Variants in NBEA observed in about 807,000 individuals in gnomAD.
NBEA encodes the protein neurobeachin.
In NBEA, 44 loss-of-function variants were observed where a neutral mutation model predicts 343.4. The ratio of observed to expected loss-of-function variants is 0.13; its 90% CI spans 0.10 to 0.16. NBEA has a LOEUF of 0.16. NBEA is among the 10% of genes least tolerant of loss of function. The probability of loss-of-function intolerance (pLI) is 1.00; values close to 1 mark genes in which losing one functional copy is unlikely to be tolerated. For synonymous variants in NBEA, 1,175 were observed against 1,238.7 expected, an observed-to-expected ratio of 0.95 and a Z score of 1.08; for missense variants, 2,555 against 3,631.3, an observed-to-expected ratio of 0.70 and a Z score of 7.62.
At chr13:35,376,242 G>A (rs769885523) in intron 38 of NBEA, among the ~76,000 whole-genome samples, 32 of 151,960 alleles carry the variant, frequency 2.1e-4, no homozygotes, top group Non-Finnish European at 4.3e-4. Flanking sequence ...GTTGCTGTCT[G>A]GTATTTGTTC....
intron 1 of NBEA, among the ~76,000 whole-genome samples, chr13:35,022,860 TA>T (rs1390221975): frequency 6.6e-6 from 1 of 152,172 alleles, no homozygotes; most frequent in Non-Finnish European, 1.5e-5. Flanking sequence ...CAGCATGTGA[TA>T]AATGTTCACA....
chr13:35,447,579 G>A (rs2046113729), intron 39 of NBEA, among the ~76,000 whole-genome samples: 1 of 151,956 alleles, frequency 6.6e-6, no homozygotes, highest in African/African-American at 2.4e-5. Flanking sequence ...CATAAGTGCG[G>A]TTTTGGATTT....
rs530979188 is a variant in NBEA at position 35,516,291 on chromosome 13, A to G, written c.6586-34186A>G. ...GTCAGTCAGAATTGAGACCCATGCAAGGCTGATAGCCAGATAATAATCAAG... is the reference window on the plus strand; with the variant it reads ...GTCAGTCAGAATTGAGACCCATGCAGGGCTGATAGCCAGATAATAATCAAG... On this transcript the variant is annotated intron_variant, in intron 41 of 58. Transcript: ENST00000379939. 2.6e-5 allele frequency among the ~76,000 whole-genome samples: 4 copies of G among 152,320 alleles called. No individual in the cohort carries two copies. In the South Asian group the frequency reaches 8.3e-4, roughly 32 times the overall value.
At chr13:35,424,077 A>G (rs2044482273) in intron 38 of NBEA, among the ~76,000 whole-genome samples, 1 of 152,186 alleles carries the variant, frequency 6.6e-6, no homozygotes, top group Non-Finnish European at 1.5e-5. Flanking sequence ...TTCTAGATAT[A>G]CAATCATGTC....
chr13:34,983,333 T>G (rs1281469750), intron 1 of NBEA, among the ~76,000 whole-genome samples: 2 of 152,158 alleles, frequency 1.3e-5, no homozygotes, highest in Non-Finnish European at 2.9e-5. Flanking sequence ...TGCATCCATG[T>G]CCCTGCAAAG....
intron 8 of NBEA, among the ~76,000 whole-genome samples, chr13:35,065,633 C>A (rs2063623628): frequency 6.6e-6 from 1 of 151,938 alleles, no homozygotes; most frequent in Non-Finnish European, 1.5e-5. Context: ...TAAATCACTC[C>A]TCATATTTCA....
At chr13:35,425,469 C>CT (rs1594590879) in intron 38 of NBEA, among the ~76,000 whole-genome samples, 1 of 152,154 alleles carries the variant, frequency 6.6e-6, no homozygotes, top group Non-Finnish European at 1.5e-5. Context: ...GAGTGAGTTT[C>CT]TTAATCCTGA....
At chr13:35,245,989 T>A (rs1282607195) in intron 34 of NBEA, among the ~76,000 whole-genome samples, 1 of 152,174 alleles carries the variant, frequency 6.6e-6, no homozygotes, top group East Asian at 1.9e-4. Context: ...TTTTAAATTC[T>A]TTTTTCTTTG....
intron 17 of NBEA, among the ~76,000 whole-genome samples, chr13:35,131,479 C>T (rs894178605): frequency 6.6e-6 from 1 of 152,076 alleles, no homozygotes; most frequent in African/African-American, 2.4e-5. Context: ...AAAAAATTTT[C>T]ATAAAATTCA....
chr13:35,259,192 C>T (rs1372928231), intron 34 of NBEA, among the ~76,000 whole-genome samples: 1 of 152,034 alleles, frequency 6.6e-6, no homozygotes, highest in African/African-American at 2.4e-5. Context: ...GTTCTTGAAA[C>T]CTTTGTTTTG....
intron 31 of NBEA, among the ~76,000 whole-genome samples, chr13:35,205,243 G>A (rs1445265392): frequency 6.6e-6 from 1 of 152,100 alleles, no homozygotes; most frequent in Non-Finnish European, 1.5e-5. Context: ...TCATAATGTA[G>A]GTGCAGAAAA....
intron 18 of NBEA, among the ~76,000 whole-genome samples, chr13:35,145,674 G>A (rs931031083): frequency 6.6e-6 from 1 of 152,208 alleles, no homozygotes. Context: ...CAAACAAATA[G>A]TGACAGTCAA....
At chr13:35,094,660 T>C (rs1286948535) in intron 10 of NBEA, among the ~76,000 whole-genome samples, 1 of 152,004 alleles carries the variant, frequency 6.6e-6, no homozygotes, top group Non-Finnish European at 1.5e-5. Flanking sequence ...TGAAATCAAT[T>C]ATTTCTGCTA....
At chr13:35,545,144 T>G (rs758949996) in intron 41 of NBEA, among the ~76,000 whole-genome samples, 119 of 152,336 alleles carry the variant, frequency 7.8e-4, no homozygotes, top group Middle Eastern at 3.4e-3. Flanking sequence ...AGAAGACGAT[T>G]TTATAGTATC....
At chr13:35,124,539 T>C (rs1249929667) in intron 17 of NBEA, among the ~76,000 whole-genome samples, 1 of 149,536 alleles carries the variant, frequency 6.7e-6, no homozygotes, top group East Asian at 1.9e-4. Flanking sequence ...TACACACATA[T>C]ATGGATATAT....
At position 35,671,268 on chromosome 13, in the gene NBEA, A is replaced by G. The variant is rs2085602977; in HGVS notation, c.*277A>G. 1 of 289,308 alleles carries G rather than the reference A, an allele frequency of 3.5e-6. No individual in the cohort carries two copies. Among genetic ancestry groups the G allele is most frequent in the Middle Eastern group, 1.1e-3 (1 of 916 alleles). The allele number at this position is 289,308 out of a possible 1,614,324, so 17.9% of individuals were successfully genotyped here. On this transcript the variant is annotated 3_prime_UTR_variant, in exon 59 of 59. Coordinates refer to ENST00000379939, the MANE Select transcript of NBEA (RefSeq NM_001385012.1). ...TTCATATATTGTTGTTTATTGAGAA[A>G]AGGTTGTAGGATGTGTCACAAGAGA...
At chr13:35,427,642 C>T (rs2044786420) in intron 38 of NBEA, among the ~76,000 whole-genome samples, 1 of 152,146 alleles carries the variant, frequency 6.6e-6, no homozygotes, top group African/African-American at 2.4e-5. Flanking sequence ...CTGGGAGAAC[C>T]ACTACTCTCT....
chr13:35,454,895 T>TA (rs932148860), intron 40 of NBEA, among the ~76,000 whole-genome samples: 4 of 151,556 alleles, frequency 2.6e-5, no homozygotes, highest in Non-Finnish European at 5.9e-5. Flanking sequence ...AAATAAAAAA[T>TA]AAAAAAACAG....
At chr13:35,409,193 G>A (rs1312897409) in intron 38 of NBEA, among the ~76,000 whole-genome samples, 5 of 152,040 alleles carry the variant, frequency 3.3e-5, no homozygotes, top group African/African-American at 4.8e-5. Context: ...TGTCCTTCAC[G>A]GGGACTTCGA....
Sources: allele counts gnomAD v4.1 joint callset (sites outside exome capture counted in the v4.1 genomes callset), GRCh38; gene constraint gnomAD v4.1.1; transcripts MANE v1.5; gene names NCBI Gene and HGNC (gene_info 2026-07-23, HGNC 2026-07-21).